CENPP: variants seen among roughly 807,000 people sequenced by gnomAD.
CENPP encodes centromere protein P.
CENPP carries 24 observed loss-of-function variants against 35.6 expected under a neutral mutation model. The ratio of observed to expected loss-of-function variants is 0.67; its 90% CI spans 0.49 to 0.95. The LOEUF (loss-of-function observed/expected upper bound fraction) is 0.95, where lower values mean the gene tolerates loss of function less well. Ranked by LOEUF, CENPP falls within the 40% of genes least tolerant of loss-of-function variation. The pLI is 0.00. For missense variants in CENPP, 332 were observed against 345.3 expected (o/e 0.96, Z 0.31); for synonymous variants, 120 against 125.5 (o/e 0.96, Z 0.29).
At chr9:92,487,822 C>CGTCT (rs953401505) in intron 5 of CENPP, among the ~76,000 whole-genome samples, 4 of 152,124 alleles carry the variant, frequency 2.6e-5, no homozygotes, top group African/African-American at 9.7e-5. Flanking sequence ...GTGACAAAGC[C>CGTCT]AGACCCTGTC....
At chr9:92,442,441 A>G (rs868499208) in intron 5 of CENPP, among the ~76,000 whole-genome samples, 1 of 150,646 alleles carries the variant, frequency 6.6e-6, no homozygotes, top group Admixed American at 6.6e-5. Flanking sequence ...AAACCACTCC[A>G]TTATGATCAA....
Position 92,551,925 on chromosome 9 carries a change from G to GTGTATATA in CENPP, c.565-59388_565-59387insGTATATAT, listed in dbSNP as rs1176239722. Among the ~76,000 whole-genome samples the GTGTATATA allele has an allele frequency of 3.0e-4, 25 of 84,516 alleles. 1 individual carries two copies. The highest frequency in any genetic ancestry group is 1.6e-3 in the African/African-American group (20 of 12,322). The allele number at this position is 84,516 out of a possible 152,430, so 55.4% of individuals were successfully genotyped here. A position where few individuals can be genotyped will look rare whatever the true frequency, so the allele number is the denominator to read the frequency against. On this transcript the variant is annotated intron_variant, in intron 5 of 7. Transcript: ENST00000375587. ...CATTTGTTATATATATGGTGTGTGT[G>GTGTATATA]TATATATATATATATATATATATAT...
intron 6 of CENPP, among the ~76,000 whole-genome samples, 168 bp downstream of exon 6, chr9:92,611,561 G>C (rs1453186559): frequency 1.3e-5 from 2 of 152,174 alleles, no homozygotes; most frequent in East Asian, 1.9e-4. Context: ...TGGGGGTGCG[G>C]GGAGCTGGAG....
At chr9:92,372,918 G>A (rs1370293960) in intron 4 of CENPP, among the ~76,000 whole-genome samples, 2 of 151,932 alleles carry the variant, frequency 1.3e-5, no homozygotes, top group East Asian at 3.9e-4. Flanking sequence ...AATGTGCTGT[G>A]AGGAAGATCT....
chr9:92,451,108 C>A (rs982040014), intron 5 of CENPP, among the ~76,000 whole-genome samples: 4 of 148,920 alleles, frequency 2.7e-5, no homozygotes, highest in African/African-American at 7.4e-5. Flanking sequence ...TAATTAGATC[C>A]CATTTGTCAA....
intron 5 of CENPP, among the ~76,000 whole-genome samples, chr9:92,407,354 A>G (rs181235536): frequency 8.7e-4 from 132 of 152,262 alleles, no homozygotes; most frequent in African/African-American, 3.0e-3. Context: ...CCTAAACAAA[A>G]ACACTCCTAT....
chr9:92,570,319 G>T (rs1192724058), intron 5 of CENPP, among the ~76,000 whole-genome samples: 2 of 152,120 alleles, frequency 1.3e-5, no homozygotes, highest in African/African-American at 2.4e-5. Flanking sequence ...GGCCTTTTCT[G>T]CATCTATTGA....
At chr9:92,415,414 A>C (rs780663138) in intron 5 of CENPP, 1 of 1,613,646 alleles carries the variant, frequency 6.2e-7, no homozygotes. Flanking sequence ...GTCCACACGA[A>C]TGTATGTTAA....
chr9:92,577,933 A>G (rs1207194429), intron 5 of CENPP, among the ~76,000 whole-genome samples: 5 of 142,808 alleles, frequency 3.5e-5, no homozygotes, highest in South Asian at 2.5e-4. Flanking sequence ...ATATCTCCCA[A>G]TGCTATCCCT....
intron 5 of CENPP, among the ~76,000 whole-genome samples, chr9:92,520,360 A>G (rs1847989412): frequency 6.6e-6 from 1 of 152,184 alleles, no homozygotes; most frequent in Non-Finnish European, 1.5e-5. Flanking sequence ...CAACATGCAC[A>G]TAAAAAGATG....
At chr9:92,511,816 G>A (rs1044560789) in intron 5 of CENPP, among the ~76,000 whole-genome samples, 2 of 152,156 alleles carry the variant, frequency 1.3e-5, no homozygotes, top group East Asian at 3.8e-4. Context: ...TTACAGCAAA[G>A]CTAAAAGTAT....
intron 5 of CENPP, among the ~76,000 whole-genome samples, chr9:92,605,244 C>T (rs544068960): frequency 5.9e-5 from 9 of 152,302 alleles, no homozygotes; most frequent in Admixed American, 1.3e-4. Context: ...CTGCCTTGGC[C>T]GCCCAAAGTG....
At chr9:92,500,123 C>G (rs1245898798) in intron 5 of CENPP, among the ~76,000 whole-genome samples, 1 of 152,154 alleles carries the variant, frequency 6.6e-6, no homozygotes, top group African/African-American at 2.4e-5. Flanking sequence ...GTAACATAAT[C>G]TATTGCTTTG....
At chr9:92,500,881 G>A in intron 5 of CENPP, 1 of 1,614,202 alleles carries the variant, frequency 6.2e-7, no homozygotes, top group South Asian at 1.1e-5. Context: ...TCATCAGCAA[G>A]TTTGTTAAAT....
At chr9:92,464,695 T>G in intron 5 of CENPP, 2 of 663,650 alleles carry the variant, frequency 3.0e-6, no homozygotes, top group Non-Finnish European at 5.5e-6. Flanking sequence ...TCATTGCTTC[T>G]TAATGTTTAT....
At chr9:92,541,245 C>T (rs945509822) in intron 5 of CENPP, among the ~76,000 whole-genome samples, 6 of 152,196 alleles carry the variant, frequency 3.9e-5, no homozygotes, top group Non-Finnish European at 7.4e-5. Flanking sequence ...GGTGACAGAG[C>T]GAGACTCCAT....
At chr9:92,434,721 G>A (rs1187099480) in intron 5 of CENPP, among the ~76,000 whole-genome samples, 1 of 152,106 alleles carries the variant, frequency 6.6e-6, no homozygotes, top group Non-Finnish European at 1.5e-5. Flanking sequence ...ATCCAGAGAT[G>A]CAAGATGATT....
chr9:92,494,056 G>T, intron 5 of CENPP: 1 of 1,595,430 alleles, frequency 6.3e-7, no homozygotes. Flanking sequence ...CTGCTTACTT[G>T]TCTGTTTGAT....
At position 92,613,916 on chromosome 9, in the gene CENPP, C is replaced by T. The variant is rs568328624; in HGVS notation, c.*767C>T. 5 of 152,316 alleles carry T rather than the reference C, an allele frequency of 3.3e-5. No homozygotes were observed. The highest frequency in any genetic ancestry group is 1.2e-4 in the African/African-American group (5 of 41,564). 9.4% of individuals were successfully genotyped at this position (152,316 alleles called of 1,614,324 possible). A position where few individuals can be genotyped will look rare whatever the true frequency, so the allele number is the denominator to read the frequency against. On this transcript the variant is annotated 3_prime_UTR_variant, in exon 8 of 8. Transcript: ENST00000375587. ...TCTGTGAACGCGTGTTGTCTCAAAC[C>T]AGTCAGGGCCGTCATGACTACGCAG...
Sources: allele counts gnomAD v4.1 joint callset (sites outside exome capture counted in the v4.1 genomes callset), GRCh38; gene constraint gnomAD v4.1.1; transcripts MANE v1.5; gene names NCBI Gene and HGNC (gene_info 2026-07-23, HGNC 2026-07-21).